SPMIP2: variants seen among roughly 807,000 people sequenced by gnomAD.
SPMIP2 encodes protein SPMIP2.
At chr4:158,914,260 C>T in the SPMIP2 span, among the ~76,000 whole-genome samples, 107,147 of 152,032 alleles carry the variant, frequency 0.7, 38,460 homozygotes, top group East Asian at 0.95. Context: ...TGTTAGATGT[C>T]GAACTGTTCC....
At chr4:159,020,536 C>T in the SPMIP2 span, among the ~76,000 whole-genome samples, 549 of 152,282 alleles carry the variant, frequency 3.6e-3, 4 homozygotes, top group African/African-American at 0.013. Context: ...GCCCTTGGAC[C>T]TTCTGCCCCT....
the SPMIP2 span, among the ~76,000 whole-genome samples, chr4:159,037,825 C>CAT: frequency 9.5e-4 from 97 of 102,314 alleles, no homozygotes; most frequent in African/African-American, 2.8e-3. Context: ...CACACACACA[C>CAT]ACATATATAT....
the SPMIP2 span, among the ~76,000 whole-genome samples, chr4:159,074,720 G>A: frequency 6.6e-6 from 1 of 152,156 alleles, no homozygotes; most frequent in Admixed American, 6.6e-5. Flanking sequence ...AGGTTGACCA[G>A]AAGAAGGAGG....
chr4:159,048,343 T>C, the SPMIP2 span, among the ~76,000 whole-genome samples: 2 of 152,226 alleles, frequency 1.3e-5, no homozygotes, highest in African/African-American at 4.8e-5. Flanking sequence ...TACAGTGAAA[T>C]GCCGTCATTG....
At chr4:159,070,955 A>G in the SPMIP2 span, among the ~76,000 whole-genome samples, 1 of 152,212 alleles carries the variant, frequency 6.6e-6, no homozygotes, top group Non-Finnish European at 1.5e-5. Flanking sequence ...GCCAAGCCTC[A>G]GTGGTCAGCA....
the SPMIP2 span, among the ~76,000 whole-genome samples, chr4:159,025,796 T>A: frequency 6.6e-6 from 1 of 152,178 alleles, no homozygotes; most frequent in Non-Finnish European, 1.5e-5. Flanking sequence ...AAAAACCTTA[T>A]ATCCCCCAAA....
the SPMIP2 span, among the ~76,000 whole-genome samples, chr4:158,981,346 A>G: frequency 6.6e-6 from 1 of 152,228 alleles, no homozygotes; most frequent in Non-Finnish European, 1.5e-5. Flanking sequence ...AATTCAGGAA[A>G]TACAGAGAAC....
the SPMIP2 span, among the ~76,000 whole-genome samples, chr4:158,992,980 G>C: frequency 6.6e-6 from 1 of 152,210 alleles, no homozygotes; most frequent in African/African-American, 2.4e-5. Context: ...CTTAGTTTTA[G>C]AAGGTGTGAT....
chr4:158,934,772 C>G, the SPMIP2 span, among the ~76,000 whole-genome samples: 41 of 152,246 alleles, frequency 2.7e-4, no homozygotes, highest in East Asian at 7.5e-3. Context: ...TACTTCTCCT[C>G]CATCCCTCCA....
At chr4:158,983,261 C>G in the SPMIP2 span, among the ~76,000 whole-genome samples, 2 of 151,992 alleles carry the variant, frequency 1.3e-5, no homozygotes, top group African/African-American at 4.8e-5. Context: ...AGGAGAACTT[C>G]CCCAATCTAG....
the SPMIP2 span, among the ~76,000 whole-genome samples, chr4:159,010,712 G>T: frequency 6.6e-6 from 1 of 152,102 alleles, no homozygotes; most frequent in Admixed American, 6.6e-5. Context: ...CTCTGTTAAT[G>T]CAGCCTGTTA....
chr4:158,897,794 C>T, the SPMIP2 span, among the ~76,000 whole-genome samples: 7 of 152,128 alleles, frequency 4.6e-5, no homozygotes, highest in African/African-American at 1.7e-4. Context: ...AAGTTGCCTG[C>T]TCACTCTGAT....
At chr4:158,911,957 A>G in the SPMIP2 span, among the ~76,000 whole-genome samples, 4 of 152,218 alleles carry the variant, frequency 2.6e-5, no homozygotes, top group Non-Finnish European at 5.9e-5. Context: ...TGCATATGAT[A>G]TATGCATTGT....
the SPMIP2 span, among the ~76,000 whole-genome samples, chr4:158,894,701 T>G: frequency 6.6e-6 from 1 of 152,210 alleles, no homozygotes; most frequent in Non-Finnish European, 1.5e-5. Flanking sequence ...ATAAAGATCC[T>G]TTTACCACCT....
At chr4:158,943,897 C>T in the SPMIP2 span, among the ~76,000 whole-genome samples, 648 of 126,890 alleles carry the variant, frequency 5.1e-3, 6 homozygotes, top group African/African-American at 0.018. Flanking sequence ...CGCTCTGTCG[C>T]CAGGCTGGAG....
the SPMIP2 span, among the ~76,000 whole-genome samples, chr4:159,009,793 A>G: frequency 1.3e-5 from 2 of 152,016 alleles, no homozygotes; most frequent in African/African-American, 4.8e-5. Context: ...CAATATGGCA[A>G]AACCTTATCT....
At chr4:159,056,602 A>C in the SPMIP2 span, among the ~76,000 whole-genome samples, 1 of 152,244 alleles carries the variant, frequency 6.6e-6, no homozygotes, top group Admixed American at 6.5e-5. Flanking sequence ...TGCATGCAGC[A>C]AACTAAGATA....
chr4:158,925,509 C>T, the SPMIP2 span, among the ~76,000 whole-genome samples: 1 of 152,098 alleles, frequency 6.6e-6, no homozygotes, highest in Admixed American at 6.6e-5. Context: ...TTTCCATGGA[C>T]GAAGAGGGGG....
the SPMIP2 span, among the ~76,000 whole-genome samples, chr4:158,951,570 C>T: frequency 6.6e-6 from 1 of 152,134 alleles, no homozygotes; most frequent in African/African-American, 2.4e-5. Context: ...CATTTTACGA[C>T]TAAGTCAAAG....
Sources: gnomAD v4.1 joint callset for allele counts (sites outside exome capture counted in the v4.1 genomes callset) on GRCh38, gnomAD v4.1.1 for gene constraint, MANE v1.5 for transcripts, NCBI Gene and HGNC (gene_info 2026-07-23, HGNC 2026-07-21) for gene names.